The following AUTS2 variants were observed in gnomAD, a reference collection of about 807,000 sequenced individuals.
AUTS2 encodes autism susceptibility gene 2 protein.
In AUTS2, 17 loss-of-function variants were observed where a neutral mutation model predicts 112.4. That is an observed-to-expected ratio of 0.15 (90% CI 0.10 to 0.23). The LOEUF is 0.23. Ranked by LOEUF, AUTS2 falls within the 10% of genes least tolerant of loss-of-function variation. AUTS2 has a pLI of 1.00. For missense variants in AUTS2, 1,510 were observed against 1,701.6 expected (o/e 0.89, Z 1.98); for synonymous variants, 751 against 702.7 (o/e 1.07, Z -1.09).
intron 4 of AUTS2, among the ~76,000 whole-genome samples, chr7:70,394,220 G>A (rs1171773738): frequency 3.3e-5 from 5 of 152,186 alleles, no homozygotes; most frequent in Non-Finnish European, 7.3e-5. Flanking sequence ...CTACAGATGA[G>A]TAGTCAGTGT....
intron 1 of AUTS2, among the ~76,000 whole-genome samples, chr7:69,664,523 A>G (rs1795944556): frequency 6.6e-6 from 1 of 152,222 alleles, no homozygotes; most frequent in Non-Finnish European, 1.5e-5. Flanking sequence ...TGTTGAACAA[A>G]TGAGACATTA....
At chr7:70,145,494 A>G (rs1807079593) in intron 4 of AUTS2, among the ~76,000 whole-genome samples, 1 of 152,140 alleles carries the variant, frequency 6.6e-6, no homozygotes, top group Non-Finnish European at 1.5e-5. Context: ...AGTATTATGT[A>G]AAAATAGAGG....
chr7:70,614,816 C>T (rs1804270345), intron 5 of AUTS2, among the ~76,000 whole-genome samples: 1 of 152,236 alleles, frequency 6.6e-6, no homozygotes, highest in African/African-American at 2.4e-5. Flanking sequence ...AGCCAGCTGG[C>T]ACTCTCACGC....
chr7:69,753,133 G>A lies in AUTS2; in HGVS notation c.310-146153G>A, dbSNP rs534746168. Among the ~76,000 whole-genome samples the A allele has an allele frequency of 9.9e-5, 15 of 152,234 alleles. No individual in the cohort carries two copies. In the South Asian group the frequency reaches 2.9e-3, roughly 30 times the overall value. On this transcript the variant is annotated intron_variant, in intron 1 of 18. Transcript: ENST00000342771. Reference sequence around the variant, plus strand: ...AAAATGGGATGGTAATAGCTACCTCGCAGTTGGAAAACTTAAATGTGATCA... The same window carrying A: ...AAAATGGGATGGTAATAGCTACCTCACAGTTGGAAAACTTAAATGTGATCA...
chr7:69,730,612 A>T (rs1562843386), intron 1 of AUTS2, among the ~76,000 whole-genome samples: 1 of 152,224 alleles, frequency 6.6e-6, no homozygotes, highest in Non-Finnish European at 1.5e-5. Flanking sequence ...TCATCTATAA[A>T]GCTGGGATGA....
At chr7:69,895,037 A>G (rs1027682361) in intron 1 of AUTS2, among the ~76,000 whole-genome samples, 5 of 152,162 alleles carry the variant, frequency 3.3e-5, no homozygotes, top group African/African-American at 1.2e-4. Flanking sequence ...GCAATACTAG[A>G]GACTGCCCAG....
chr7:70,249,028 C>T (rs1813074244), intron 4 of AUTS2, among the ~76,000 whole-genome samples: 1 of 152,132 alleles, frequency 6.6e-6, no homozygotes, highest in Non-Finnish European at 1.5e-5. Context: ...ATACTTTTTA[C>T]TCTATGATAT....
intron 1 of AUTS2, among the ~76,000 whole-genome samples, chr7:69,731,385 G>T (rs759290597): frequency 6.6e-6 from 1 of 152,122 alleles, no homozygotes; most frequent in Non-Finnish European, 1.5e-5. Flanking sequence ...GTGATTTGGG[G>T]TGAGTAATTT....
At chr7:69,960,409 AG>A (rs1431938255) in intron 2 of AUTS2, among the ~76,000 whole-genome samples, 2 of 152,188 alleles carry the variant, frequency 1.3e-5, no homozygotes, top group African/African-American at 4.8e-5. Context: ...GCAAGCTAGT[AG>A]TCAATGAATA....
chr7:70,672,232 C>T (rs1585480083), intron 5 of AUTS2, among the ~76,000 whole-genome samples: 2 of 152,214 alleles, frequency 1.3e-5, no homozygotes. Flanking sequence ...GAAATTACAG[C>T]GGAAGCTGGG....
chr7:70,117,104 G>GTTTTTTTTTTTT (rs61076536), intron 2 of AUTS2, among the ~76,000 whole-genome samples: 9 of 78,428 alleles, frequency 1.1e-4, no homozygotes, highest in African/African-American at 3.9e-4. Context: ...GATGACTTTT[G>GTTTTTTTTTTTT]TTTTTTTTTT....
chr7:69,709,202 C>T (rs540505099), intron 1 of AUTS2, among the ~76,000 whole-genome samples: 1 of 152,326 alleles, frequency 6.6e-6, no homozygotes, highest in East Asian at 1.9e-4. Flanking sequence ...TTAGAAAACT[C>T]CTTTCTTCCT....
At chr7:69,835,394 A>G (rs1010145321) in intron 1 of AUTS2, among the ~76,000 whole-genome samples, 3 of 152,146 alleles carry the variant, frequency 2.0e-5, no homozygotes, top group African/African-American at 7.2e-5. Flanking sequence ...TAGAACTCTG[A>G]TCTTCTGATT....
rs374157952 is a variant in AUTS2, at chr7:70,146,424, T to C, written c.660+11853T>C. Among the ~76,000 whole-genome samples, 11 of 152,250 alleles carry C rather than the reference T, an allele frequency of 7.2e-5. No individual in the cohort carries two copies. In the East Asian group the frequency reaches 2.1e-3, roughly 29 times the overall value. On this transcript the variant is annotated intron_variant, in intron 4 of 18. Coordinates refer to ENST00000342771, the MANE Select transcript of AUTS2 (RefSeq NM_015570.4). ...ATTAACAGTTTTCTCTCCTGTACGT[T>C]TGTGTTTGTGACATACTCTTCACTA...
intron 5 of AUTS2, among the ~76,000 whole-genome samples, chr7:70,471,942 G>T (rs1054413708): frequency 1.3e-5 from 2 of 152,044 alleles, no homozygotes; most frequent in Non-Finnish European, 2.9e-5. Flanking sequence ...GAGTGGAGAG[G>T]GGGAGAGCCA....
At chr7:70,785,379 C>T (rs746719971) in intron 16 of AUTS2, 4 of 522,500 alleles carry the variant, frequency 7.7e-6, no homozygotes, top group African/African-American at 5.7e-5. Flanking sequence ...GCAAAGGTCA[C>T]CTCTAGGAAG....
intron 1 of AUTS2, among the ~76,000 whole-genome samples, chr7:69,641,366 G>A (rs946433146): frequency 6.6e-6 from 1 of 151,508 alleles, no homozygotes; most frequent in Non-Finnish European, 1.5e-5. Context: ...TGCTTTCGCT[G>A]ATCCAGAATT....
chr7:70,102,285 A>T (rs1804541729), intron 2 of AUTS2, among the ~76,000 whole-genome samples: 1 of 150,902 alleles, frequency 6.6e-6, no homozygotes. Context: ...CGCCCAGCTA[A>T]TTTTTTGTAT....
intron 1 of AUTS2, among the ~76,000 whole-genome samples, chr7:69,729,994 A>ATTTTT (rs10684331): frequency 2.6e-4 from 15 of 56,754 alleles, no homozygotes; most frequent in Admixed American, 4.7e-4. Context: ...TGTTGTTTTA[A>ATTTTT]TTTTTTTTTT....
Sources: gnomAD v4.1 joint callset for allele counts (sites outside exome capture counted in the v4.1 genomes callset) on GRCh38, gnomAD v4.1.1 for gene constraint, MANE v1.5 for transcripts, NCBI Gene and HGNC (gene_info 2026-07-23, HGNC 2026-07-21) for gene names.